IPO11: variants seen among roughly 807,000 people sequenced by gnomAD.
The protein encoded by IPO11 is importin-11.
Under a neutral mutation model 143.2 loss-of-function variants are expected in IPO11, and 66 were observed. That is an observed-to-expected ratio of 0.46 (90% CI 0.38 to 0.57). The LOEUF (loss-of-function observed/expected upper bound fraction) is 0.57, where lower values mean the gene tolerates loss of function less well. Among genes scored for constraint, IPO11 ranks in the 20% least tolerant of loss-of-function variants. The pLI is 0.00. For missense variants in IPO11, 1,026 were observed against 1,141.0 expected (o/e 0.90, Z 1.45); for synonymous variants, 385 against 377.8 (o/e 1.02, Z -0.22).
chr5:62,579,475 CTG>C, intron 27 of IPO11: 1 of 1,550,808 alleles, frequency 6.4e-7, no homozygotes, highest in South Asian at 1.2e-5. Flanking sequence ...TTGCCTACGA[CTG>C]TTTCTGGTTG....
At chr5:62,432,167 G>A (rs1164848164) in intron 1 of IPO11, among the ~76,000 whole-genome samples, 4 of 152,124 alleles carry the variant, frequency 2.6e-5, no homozygotes, top group Admixed American at 1.3e-4. Flanking sequence ...CTGCTGAGTG[G>A]CAAACGGCCA....
chr5:62,553,203 C>T (rs1390985997), intron 26 of IPO11, among the ~76,000 whole-genome samples: 1 of 152,114 alleles, frequency 6.6e-6, no homozygotes, highest in Non-Finnish European at 1.5e-5. Context: ...AGTGAGAACA[C>T]GTAGTATTTC....
intron 3 of IPO11, among the ~76,000 whole-genome samples, chr5:62,445,879 A>T (rs186571628): frequency 2.1e-4 from 32 of 152,176 alleles, no homozygotes; most frequent in Admixed American, 1.4e-3. Flanking sequence ...ATCTATTTTG[A>T]TAGATAGTCA....
chr5:62,592,323 C>G (rs1194845386), intron 28 of IPO11, among the ~76,000 whole-genome samples: 1 of 151,950 alleles, frequency 6.6e-6, no homozygotes, highest in Non-Finnish European at 1.5e-5. Context: ...AAAGCCATCT[C>G]TAGCAAATGG....
chr5:62,419,653 A>G (rs1457954106), intron 1 of IPO11, among the ~76,000 whole-genome samples: 1 of 152,038 alleles, frequency 6.6e-6, no homozygotes, highest in African/African-American at 2.4e-5. Context: ...GCTGTTTTAC[A>G]GTTAACTTTT....
intron 3 of IPO11, among the ~76,000 whole-genome samples, chr5:62,444,135 G>A (rs1219020397): frequency 7.4e-6 from 1 of 136,020 alleles, no homozygotes; most frequent in Non-Finnish European, 1.5e-5. Context: ...TCGCTCTGTT[G>A]CCCAGGCTGG....
At chr5:62,555,717 A>G (rs1743553373) in intron 26 of IPO11, among the ~76,000 whole-genome samples, 1 of 151,926 alleles carries the variant, frequency 6.6e-6, no homozygotes, top group South Asian at 2.1e-4. Flanking sequence ...GTTAGCCAAG[A>G]TGGTCTTGAT....
At position 62,515,484 on chromosome 5, in the gene IPO11, C is replaced by G. The variant is rs761496909; in HGVS notation, c.1879C>G (p.Leu627Val). ...GTTGAGATGTGCTATTTTGACAACA[C>G]TTATTCATCTTGTTCAGGTAAGTCA... ...NMLRCAILTT[L>V]IHLVQGLGAD... The change falls in exon 20 of 30, where the codon CTT (leucine) becomes GTT (valine). Residue 627 changes from leucine to valine, a missense_variant. Leu to Val is a conservative substitution (Grantham distance 32). This residue lies in a region of IPO11 where 237 missense variants were observed against 288.0 expected (regional missense o/e 0.82). Coordinates refer to ENST00000325324, the MANE Select transcript of IPO11 (RefSeq NM_016338.5). 1.2e-6 allele frequency: 2 copies of G among 1,600,836 alleles called. No homozygotes were observed. Among genetic ancestry groups the G allele is most frequent in the Admixed American group, 3.5e-5 (2 of 57,578 alleles).
chr5:62,603,799 G>A (rs904273522), intron 29 of IPO11, among the ~76,000 whole-genome samples: 3 of 152,200 alleles, frequency 2.0e-5, no homozygotes, highest in Admixed American at 2.0e-4. Flanking sequence ...AATGATGATA[G>A]CAAGGACCTG....
intron 7 of IPO11, 134 bp from the exon 8 acceptor site, chr5:62,474,282 C>T (rs910723823): frequency 5.4e-6 from 3 of 552,176 alleles, no homozygotes; most frequent in Middle Eastern, 4.9e-4. Flanking sequence ...TTTTGCTTAA[C>T]TAATTTTAAC....
At chr5:62,425,925 A>C (rs1258017534) in intron 1 of IPO11, among the ~76,000 whole-genome samples, 1 of 152,242 alleles carries the variant, frequency 6.6e-6, no homozygotes, top group Admixed American at 6.5e-5. Flanking sequence ...CCAAATAGTA[A>C]GAACATTAAG....
At position 62,611,669 on chromosome 5, in the gene IPO11, A is replaced by G. The variant is rs182663327; in HGVS notation, c.2763+9821A>G. Among the ~76,000 whole-genome samples the G allele has an allele frequency of 6.6e-5, 10 of 152,290 alleles. No individual in the cohort carries two copies. The East Asian group carries it at 1.9e-3, about 29-fold the overall frequency. On this transcript the variant is annotated intron_variant, in intron 29 of 29. Transcript: ENST00000325324. ...GAATTCAGTAACTTTGCCCCTGTTC[A>G]CTTGGAAACGTTGGCAACATGGTAT...
intron 16 of IPO11, among the ~76,000 whole-genome samples, chr5:62,501,517 T>G (rs1054477769): frequency 2.0e-5 from 3 of 152,196 alleles, no homozygotes; most frequent in Admixed American, 2.0e-4. Context: ...GAGAATTTTT[T>G]TCTTGAAAGG....
chr5:62,472,555 T>A (rs1264628752), intron 7 of IPO11, among the ~76,000 whole-genome samples: 2 of 148,338 alleles, frequency 1.3e-5, no homozygotes, highest in Non-Finnish European at 3.0e-5. Flanking sequence ...TTTGAGACAG[T>A]CTCACTCTGT....
rs1746522735 is a variant in IPO11 at position 62,489,331 on chromosome 5, C to T, written c.1339C>T (p.Leu447=). The T allele has an allele frequency of 5.8e-6, 9 of 1,564,032 alleles. No individual in the cohort carries two copies. The highest frequency in any genetic ancestry group is 2.4e-5 in the South Asian group (2 of 84,324). Residue 447 remains leucine, a synonymous_variant, in exon 14 of 30, where the codon CTG becomes TTG. Transcript: ENST00000325324. ...GPTNVEDMNA[L]LIKDAVYNAV... is the part of the protein sequence containing the mutation. ...CACAAATGTGGAAGATATGAATGCA[C>T]TGTTAATCAAAGATGCTGGTATGTT...
At chr5:62,528,629 C>G (rs1742444098) in intron 21 of IPO11, among the ~76,000 whole-genome samples, 1 of 152,054 alleles carries the variant, frequency 6.6e-6, no homozygotes, top group African/African-American at 2.4e-5. Context: ...TAACTGGAGG[C>G]AGAAGGTGGT....
At chr5:62,439,284 G>GTTT (rs1226593063) in intron 2 of IPO11, among the ~76,000 whole-genome samples, 1,339 of 91,004 alleles carry the variant, frequency 0.015, 47 homozygotes, top group African/African-American at 0.025. Context: ...AACTGCGTAG[G>GTTT]TTTTTTTTTT....
intron 9 of IPO11, among the ~76,000 whole-genome samples, chr5:62,481,770 C>A (rs144186542): frequency 2.6e-5 from 4 of 152,074 alleles, no homozygotes; most frequent in African/African-American, 9.7e-5. Flanking sequence ...TGTATCTCTG[C>A]GAGGCTTTGG....
chr5:62,490,869 C>T (rs777834992), intron 15 of IPO11, among the ~76,000 whole-genome samples: 57 of 152,154 alleles, frequency 3.7e-4, no homozygotes, highest in Non-Finnish European at 7.1e-4. Context: ...GATTCTTGTG[C>T]CTCAGTCTCC....
Sources: allele counts gnomAD v4.1 joint callset (sites outside exome capture counted in the v4.1 genomes callset), GRCh38; gene constraint gnomAD v4.1.1; regional missense constraint gnomAD v4.1.1; transcripts MANE v1.5; gene names NCBI Gene and HGNC (gene_info 2026-07-23, HGNC 2026-07-21).